The following CFAP77 variants were observed in gnomAD, a reference collection of about 807,000 sequenced individuals.
CFAP77 encodes the protein cilia and flagella associated protein 77.
A neutral mutation model predicts 31.1 loss-of-function variants in CFAP77; 25 were observed. The ratio of observed to expected loss-of-function variants is 0.80; its 90% CI spans 0.59 to 1.12. The LOEUF is 1.12. Ranked by LOEUF, CFAP77 falls within the 50% of genes most tolerant of loss-of-function variation. The pLI, the probability that CFAP77 is intolerant of heterozygous loss-of-function variation, is 0.00. For synonymous variants in CFAP77, 151 were observed against 159.9 expected, an observed-to-expected ratio of 0.94 and a Z score of 0.42; for missense variants, 377 against 397.3, an observed-to-expected ratio of 0.95 and a Z score of 0.44.
At position 132,566,547 on chromosome 9, in the gene CFAP77, C is replaced by T. The variant is rs148519240; in HGVS notation, c.733-5841C>T. On this transcript the variant is annotated intron_variant, in intron 5 of 5. Coordinates refer to ENST00000393216, the MANE Select transcript of CFAP77 (RefSeq NM_001282957.2). ...AATTTTGCAGAGAGGCACCCAGCTA[C>T]GAGGCCCGTTGAGGACTGGAACTCC... 8.5e-5 allele frequency among the ~76,000 whole-genome samples: 13 copies of T among 152,252 alleles called. No individual in the cohort carries two copies. In the East Asian group the frequency reaches 2.1e-3, roughly 25 times the overall value.
intron 1 of CFAP77, among the ~76,000 whole-genome samples, chr9:132,451,124 G>A (rs1821489315): frequency 6.6e-6 from 1 of 152,180 alleles, no homozygotes; most frequent in East Asian, 1.9e-4. Flanking sequence ...ATCACTGGAG[G>A]TCAGGAGTTC....
chr9:132,542,167 C>G (rs947082463), intron 4 of CFAP77, among the ~76,000 whole-genome samples: 1 of 152,222 alleles, frequency 6.6e-6, no homozygotes, highest in African/African-American at 2.4e-5. Context: ...CCCCAGTACT[C>G]CCCGGGGGCT....
rs35737685 is a variant in CFAP77, at chr9:132,559,346, C to CAAAAAAAAAAAAAAAA, written c.733-13037_733-13022dup. 6.7e-3 allele frequency among the ~76,000 whole-genome samples: 373 copies of CAAAAAAAAAAAAAAAA among 56,074 alleles called. 33 individuals carry two copies. Among genetic ancestry groups the CAAAAAAAAAAAAAAAA allele is most frequent in the African/African-American group, 0.026 (322 of 12,212 alleles). The allele number at this position is 56,074 out of a possible 152,430, so 36.8% of individuals were successfully genotyped here. ...CGCGTCAGAGTGAGACTCTGTCTTG[C>CAAAAAAAAAAAAAAAA]AAAAAAAAAAAAAAAAAAAAGGCAA... On this transcript the variant is annotated intron_variant, in intron 5 of 5. Transcript: ENST00000393216.
intron 1 of CFAP77, among the ~76,000 whole-genome samples, chr9:132,466,088 A>G (rs1156626986): frequency 6.6e-6 from 1 of 152,144 alleles, no homozygotes. Flanking sequence ...GGATGCAGAC[A>G]TGAGCACTTT....
At chr9:132,515,912 G>A (rs1354620659) in intron 3 of CFAP77, among the ~76,000 whole-genome samples, 2 of 152,162 alleles carry the variant, frequency 1.3e-5, no homozygotes, top group East Asian at 3.8e-4. Flanking sequence ...TAGTTCCTTG[G>A]GCTCTTGGGA....
At chr9:132,571,330 C>G (rs374518836) in intron 5 of CFAP77, among the ~76,000 whole-genome samples, 12 of 152,182 alleles carry the variant, frequency 7.9e-5, no homozygotes, top group African/African-American at 2.9e-4. Flanking sequence ...ACGCTACCCC[C>G]CTTTGCCCTG....
intron 4 of CFAP77, among the ~76,000 whole-genome samples, chr9:132,540,056 G>C (rs1194112165): frequency 1.3e-5 from 2 of 152,116 alleles, no homozygotes; most frequent in Non-Finnish European, 2.9e-5. Context: ...CTTGCCTCCT[G>C]AGTAGCTGGG....
intron 1 of CFAP77, among the ~76,000 whole-genome samples, chr9:132,459,632 T>C (rs945604664): frequency 3.3e-5 from 5 of 151,782 alleles, no homozygotes; most frequent in African/African-American, 1.2e-4. Context: ...TATGTGTGTA[T>C]ACATGTGTAT....
chr9:132,486,095 T>A lies in CFAP77; in HGVS notation c.196-12600T>A, dbSNP rs1240948362. ...ATATATATATATATATATATATTTT[T>A]TTTTTTTTTTTTTTTGAGACGGAGT... On this transcript the variant is annotated intron_variant, in intron 1 of 5. Coordinates refer to ENST00000393216, the MANE Select transcript of CFAP77 (RefSeq NM_001282957.2). Among the ~76,000 whole-genome samples, 35 of 81,748 alleles carry A rather than the reference T, an allele frequency of 4.3e-4. 7 individuals carry two copies. Among genetic ancestry groups the A allele is most frequent in the African/African-American group, 1.9e-3 (27 of 14,576 alleles). 53.6% of individuals were successfully genotyped at this position (81,748 alleles called of 152,430 possible).
intron 1 of CFAP77, among the ~76,000 whole-genome samples, chr9:132,496,366 C>G (rs1011054683): frequency 1.3e-5 from 2 of 152,210 alleles, no homozygotes; most frequent in Admixed American, 6.5e-5. Flanking sequence ...CTACAATTCA[C>G]CCATTGAAAA....
chr9:132,566,019 C>T (rs748084435), intron 5 of CFAP77, among the ~76,000 whole-genome samples: 1 of 152,188 alleles, frequency 6.6e-6, no homozygotes, highest in Non-Finnish European at 1.5e-5. Context: ...AGAGACAGAC[C>T]GCAGATGGCT....
intron 1 of CFAP77, among the ~76,000 whole-genome samples, chr9:132,429,560 A>G (rs1306126242): frequency 2.0e-5 from 3 of 147,622 alleles, no homozygotes; most frequent in Admixed American, 1.3e-4. Flanking sequence ...AAAAAAAAAA[A>G]AAGGCCGGGC....
chr9:132,435,170 C>T (rs977660522), intron 1 of CFAP77, among the ~76,000 whole-genome samples: 1 of 152,072 alleles, frequency 6.6e-6, no homozygotes, highest in African/African-American at 2.4e-5. Flanking sequence ...GGGAATGCAA[C>T]CCAGGCAAGA....
In CFAP77 at chr9:132,511,535, T is replaced by G. The variant is rs1228933890; in HGVS notation, c.524+11935T>G. On this transcript the variant is annotated intron_variant, in intron 3 of 5. Transcript: ENST00000393216. This position sits in a 1 kb window ranked among gnomAD's most constrained non-coding sequence, Gnocchi z 5.8. ...AATGTTGTAGGTGCTCAGTAAACGC[T>G]TGTTGACTGACTGCGTGAGAGGGAA... Among the ~76,000 whole-genome samples the G allele has an allele frequency of 6.6e-6, 1 of 152,216 alleles. No individual in the cohort carries two copies. The highest frequency in any genetic ancestry group is 2.4e-5 in the African/African-American group (1 of 41,464).
chr9:132,568,551 C>T (rs1430150864), intron 5 of CFAP77, among the ~76,000 whole-genome samples: 16 of 132,358 alleles, frequency 1.2e-4, no homozygotes, highest in Admixed American at 3.7e-4. Context: ...AGTGAAACTC[C>T]GCCTCAAAAA....
chr9:132,443,883 G>A (rs951495766), intron 1 of CFAP77, among the ~76,000 whole-genome samples: 3 of 152,222 alleles, frequency 2.0e-5, no homozygotes, highest in African/African-American at 4.8e-5. Flanking sequence ...CATGCATTTT[G>A]CACCCACAAC....
intron 1 of CFAP77, among the ~76,000 whole-genome samples, chr9:132,456,776 G>A (rs1033896026): frequency 1.3e-5 from 2 of 151,318 alleles, no homozygotes; most frequent in African/African-American, 2.4e-5. Flanking sequence ...TTTGAGACAC[G>A]GTCATACTCT....
chr9:132,496,829 A>G (rs1350192741), intron 1 of CFAP77, among the ~76,000 whole-genome samples: 1 of 152,198 alleles, frequency 6.6e-6, no homozygotes, highest in Non-Finnish European at 1.5e-5. Flanking sequence ...AACAGGAAAA[A>G]GAAGGTAATA....
At chr9:132,537,563 C>A in intron 3 of CFAP77, 38 bp from the exon 4 acceptor site, 1 of 1,537,110 alleles carries the variant, frequency 6.5e-7, no homozygotes, top group Non-Finnish European at 8.9e-7. Context: ...TCTGGTCTTT[C>A]CGGGGCCTCA....
Sources: gnomAD v4.1 joint callset for allele counts (sites outside exome capture counted in the v4.1 genomes callset) on GRCh38, gnomAD v4.1.1 for gene constraint, Gnocchi (gnomAD v3.1) non-coding constraint, MANE v1.5 for transcripts, NCBI Gene and HGNC (gene_info 2026-07-23, HGNC 2026-07-21) for gene names.